The following ESCO2 variants were observed in gnomAD, a reference collection of about 807,000 sequenced individuals.
ESCO2 encodes establishment of sister chromatid cohesion N-acetyltransferase 2.
In ESCO2, 51 loss-of-function variants were observed where a neutral mutation model predicts 61.7. That is an observed-to-expected ratio of 0.83 (90% CI 0.66 to 1.04). The LOEUF (loss-of-function observed/expected upper bound fraction) is 1.04, where lower values mean the gene tolerates loss of function less well. ESCO2 is among the 50% of genes least tolerant of loss of function. The pLI is 0.00. For synonymous variants in ESCO2, 230 were observed against 238.2 expected (o/e 0.97, Z 0.32); for missense variants, 692 against 686.2 (o/e 1.01, Z -0.09).
At chr8:27,810,985 T>A, downstream of ESCO2, 1 of 1,607,706 alleles carries the variant, frequency 6.2e-7, no homozygotes, top group South Asian at 1.1e-5. Flanking sequence ...TTTGAAAGAT[T>A]AATGTGTGGA....
downstream of ESCO2, among the ~76,000 whole-genome samples, chr8:27,814,081 G>A (rs1436053374): frequency 1.3e-5 from 2 of 152,100 alleles, no homozygotes; most frequent in Admixed American, 1.3e-4. Flanking sequence ...AAAACAGACT[G>A]GGCAGAGGTC....
At chr8:27,794,279 T>C (rs1473073933) in intron 9 of ESCO2, among the ~76,000 whole-genome samples, 5 of 152,240 alleles carry the variant, frequency 3.3e-5, no homozygotes, top group African/African-American at 4.8e-5. Context: ...CATATGGTAG[T>C]TGCATTTTTA....
chr8:27,786,500 T>C (rs1004593737), intron 5 of ESCO2, among the ~76,000 whole-genome samples: 4 of 152,242 alleles, frequency 2.6e-5, no homozygotes, highest in African/African-American at 9.6e-5. Context: ...ACAACCTGCA[T>C]TCATGATAAC....
At chr8:27,811,501 C>G (rs1183171240), downstream of ESCO2, among the ~76,000 whole-genome samples, 15 of 152,146 alleles carry the variant, frequency 9.9e-5, no homozygotes, top group African/African-American at 2.9e-4. Context: ...ACCTGAATTT[C>G]TTCATTTTGT....
rs750159862 is a variant in ESCO2 at position 27,777,050 on chromosome 8, A to G, written c.742A>G (p.Thr248Ala). 4.8e-5 allele frequency: 78 copies of G among 1,608,856 alleles called. No homozygotes were observed. The East Asian group carries it at 1.6e-3, about 34-fold the overall frequency. Residue 248 changes from threonine to alanine, a missense_variant, in exon 3 of 11, where the codon ACT becomes GCT. By Grantham distance (58) the Thr-to-Ala change is moderately conservative. Transcript: ENST00000305188. ...AGTCATTGAAGATTCTGATGTAGAG[A>G]CTGTCAGTGAAAAAAAAACTTTTGC... ...SEVIEDSDVE[T>A]VSEKKTFATR...
intron 6 of ESCO2, among the ~76,000 whole-genome samples, chr8:27,788,203 CTT>C (rs1805091783): frequency 6.6e-6 from 1 of 152,038 alleles, no homozygotes; most frequent in Non-Finnish European, 1.5e-5. Context: ...TTTGTCAACT[CTT>C]GGGTCAAATA....
chr8:27,791,856 T>C, intron 7 of ESCO2, 107 bp from the exon 8 acceptor site: 1 of 910,296 alleles, frequency 1.1e-6, no homozygotes, highest in Non-Finnish European at 1.8e-6. Flanking sequence ...CTTCTTTTTA[T>C]ATCTATTATT....
chr8:27,776,827 G>C lies in ESCO2; in HGVS notation c.519G>C (p.Lys173Asn), dbSNP rs746522991. ...CCAAGCAAAATCGAGTGATCTATAA[G>C]CCAATTGTGGAGAAGGAAAATAATT... The part of the protein sequence containing the change: ...RNSKQNRVIY[K>N]PIVEKENNCH... Residue 173 changes from lysine to asparagine, a missense_variant, in exon 3 of 11, where the codon AAG becomes AAC. Lys to Asn is a moderately conservative substitution (Grantham distance 94). Coordinates refer to ENST00000305188, the MANE Select transcript of ESCO2 (RefSeq NM_001017420.3). 7 of 1,614,016 alleles carry C rather than the reference G, an allele frequency of 4.3e-6. No homozygotes were observed.
Position 27,803,493 on chromosome 8 carries a change from A to G in ESCO2, c.*55A>G. 2 of 1,599,562 alleles carry G rather than the reference A, an allele frequency of 1.3e-6. No homozygotes were observed. Among genetic ancestry groups the G allele is most frequent in the Non-Finnish European group, 1.7e-6 (2 of 1,171,550 alleles). On this transcript the variant is annotated 3_prime_UTR_variant, in exon 11 of 11. Transcript: ENST00000305188. ...TCTGGATAAGTTCAAAGAGCTCCTT[A>G]TTATAAAATACAAACTATTTAATAT... is the stretch of plus-strand genomic sequence containing the variant.
At chr8:27,789,073 A>C in intron 7 of ESCO2, 95 bp downstream of exon 7, 1 of 1,474,634 alleles carries the variant, frequency 6.8e-7, no homozygotes, top group Non-Finnish European at 9.3e-7. Context: ...GGAAAAGTTA[A>C]CTTTTAATGA....
At chr8:27,810,455 T>C, downstream of ESCO2, 3 of 1,608,042 alleles carry the variant, frequency 1.9e-6, no homozygotes, top group Non-Finnish European at 2.6e-6. Flanking sequence ...TTCCCAACGC[T>C]GCATAGTATG....
intron 7 of ESCO2, among the ~76,000 whole-genome samples, chr8:27,790,906 T>C (rs532258519): frequency 6.6e-6 from 1 of 152,358 alleles, no homozygotes; most frequent in African/African-American, 2.4e-5. Context: ...AGTGCCATAC[T>C]TTTATAAATG....
upstream of ESCO2, chr8:27,772,398 G>T: frequency 1.0e-6 from 1 of 998,004 alleles, no homozygotes; most frequent in Non-Finnish European, 1.5e-6. Flanking sequence ...GCGGGAAGAG[G>T]CACTCGCATC....
chr8:27,774,832 G>A (rs532757818), intron 1 of ESCO2: 23 of 149,680 alleles, frequency 1.5e-4, no homozygotes, highest in African/African-American at 5.1e-4. Flanking sequence ...TTTAGGGTTT[G>A]TTTGTTTGTT....
At chr8:27,774,768 G>C (rs1804747648) in intron 1 of ESCO2, 161 bp downstream of exon 1, 1 of 152,254 alleles carries the variant, frequency 6.6e-6, no homozygotes, top group Non-Finnish European at 1.5e-5. Flanking sequence ...CGTTCTCCGC[G>C]CTCACAGGCG....
chr8:27,775,709 A>C lies in ESCO2; in HGVS notation c.53+142A>C. On this transcript the variant is annotated intron_variant, in intron 2 of 10. Transcript: ENST00000305188. The stretch of plus-strand genomic sequence containing the variant: ...TGATAACCTGATAACCTATATTCTA[A>C]TTCTAGCTTGGAAATACATTAAGTT... 4 of 742,212 alleles carry C rather than the reference A, an allele frequency of 5.4e-6. No individual in the cohort carries two copies. The South Asian group carries it at 6.2e-5, about 12-fold the overall frequency. The allele number at this position is 742,212 out of a possible 1,614,324, so 46.0% of individuals were successfully genotyped here.
chr8:27,816,337 C>A (rs1422198458), downstream of ESCO2, among the ~76,000 whole-genome samples: 4 of 129,048 alleles, frequency 3.1e-5, no homozygotes, highest in East Asian at 2.7e-4. Flanking sequence ...GGCTTTTCAT[C>A]GAATACTATA....
downstream of ESCO2, chr8:27,811,297 C>A (rs1391453234): frequency 3.1e-6 from 2 of 635,116 alleles, no homozygotes; most frequent in Admixed American, 5.4e-5. Flanking sequence ...TTACTTTCTA[C>A]CTTTCAGGTT....
At chr8:27,783,722 T>A (rs574895753) in intron 4 of ESCO2, among the ~76,000 whole-genome samples, 1 of 152,308 alleles carries the variant, frequency 6.6e-6, no homozygotes, top group East Asian at 1.9e-4. Context: ...ATTACAAGCA[T>A]GAGCCACCAC....
Sources: gnomAD v4.1 joint callset for allele counts (sites outside exome capture counted in the v4.1 genomes callset) on GRCh38, gnomAD v4.1.1 for gene constraint, MANE v1.5 for transcripts, NCBI Gene and HGNC (gene_info 2026-07-23, HGNC 2026-07-21) for gene names.